Variants in VSIG10L2 observed in about 807,000 individuals in gnomAD.
VSIG10L2 encodes the protein V-set and immunoglobulin domain containing 10 like 2.
Under a neutral mutation model 67.1 loss-of-function variants are expected in VSIG10L2, and 56 were observed. The observed-to-expected ratio is 0.83, with a 90% confidence interval of 0.67 to 1.04. VSIG10L2 has a LOEUF of 1.04. Ranked by LOEUF, VSIG10L2 falls within the 50% of genes least tolerant of loss-of-function variation. VSIG10L2 has a pLI of 0.00. For synonymous variants in VSIG10L2, 360 were observed against 396.6 expected (o/e 0.91, Z 1.10); for missense variants, 843 against 932.8 (o/e 0.90, Z 1.25).
In VSIG10L2 at chr11:125,956,035, AATACC is replaced by A. The variant is rs1945466923; in HGVS notation, c.*122_*126del. 1.3e-4 allele frequency: 89 copies of A among 674,652 alleles called. 3 individuals are homozygous for A. Among genetic ancestry groups the A allele is most frequent in the South Asian group, 1.3e-3 (82 of 62,708 alleles). The allele number at this position is 674,652 out of a possible 1,614,324, so 41.8% of individuals were successfully genotyped here. On this transcript the variant is annotated 3_prime_UTR_variant, in exon 12 of 12. Coordinates refer to ENST00000686984, the MANE Select transcript of VSIG10L2 (RefSeq NM_001365077.2). ...AAGACACCAACTACCACTTTCACTT[AATACC>A]CAGTCTTCACAACTGGTACAAGGCC...
rs1043022779 is a variant in VSIG10L2, at chr11:125,956,110, G to C, written c.*196G>C. The C allele has an allele frequency of 2.9e-6, 2 of 680,516 alleles. No individual in the cohort carries two copies. The highest frequency in any genetic ancestry group is 3.5e-5 in the African/African-American group (2 of 56,718). 42.2% of individuals were successfully genotyped at this position (680,516 alleles called of 1,614,324 possible). On this transcript the variant is annotated 3_prime_UTR_variant, in exon 12 of 12. Transcript: ENST00000686984. Reference sequence around the variant, plus strand: ...TGACATGGTTACAAGAGAAGCCCTGGCCCACCTTGTGGAAGACAGAGGTGG... The same window carrying C: ...TGACATGGTTACAAGAGAAGCCCTGCCCCACCTTGTGGAAGACAGAGGTGG...
At chr11:125,947,279 C>T (rs541570270) in intron 1 of VSIG10L2, 16 of 288,872 alleles carry the variant, frequency 5.5e-5, no homozygotes, top group East Asian at 1.8e-4. Flanking sequence ...ACCATCGTCA[C>T]GGGACTGATC....
Position 125,953,492 on chromosome 11 carries a change from C to T in VSIG10L2, c.1588C>T (p.Pro530Ser). 3 of 1,232,324 alleles carry T rather than the reference C, an allele frequency of 2.4e-6. No homozygotes were observed. In the South Asian group the frequency reaches 1.2e-4, roughly 51 times the overall value. The allele number at this position is 1,232,324 out of a possible 1,614,324, so 76.3% of individuals were successfully genotyped here. Residue 530 changes from proline (P) to serine (S), a missense_variant, in exon 7 of 12, where the codon CCT becomes TCT. Pro to Ser is a moderately conservative substitution (Grantham distance 74). Around this residue, in one of 2 missense-constraint regions of VSIG10L2, gnomAD observed 397 missense variants for 384.4 expected, o/e 1.03. Transcript: ENST00000686984. ...LECSLRGGTP[P>S]AQLLWLGPQQ... ...GTGCTCTCTCCGCGGGGGCACACCA[C>T]CTGCCCAGCTCCTCTGGCTGGGGCC...
intron 3 of VSIG10L2, among the ~76,000 whole-genome samples, chr11:125,949,422 G>A (rs147408431): frequency 1.3e-5 from 2 of 152,178 alleles, no homozygotes; most frequent in African/African-American, 4.8e-5. Context: ...TCACCGTGGC[G>A]GTTTGTGGAA....
At chr11:125,953,004 A>G (rs1945398676) in intron 6 of VSIG10L2, among the ~76,000 whole-genome samples, 1 of 152,108 alleles carries the variant, frequency 6.6e-6, no homozygotes, top group Non-Finnish European at 1.5e-5. Flanking sequence ...AGTCCATAAA[A>G]TCTGAGCACC....
At position 125,950,041 on chromosome 11, in the gene VSIG10L2, T is replaced by C. The variant is rs928311162; in HGVS notation, c.737T>C (p.Met246Thr). The C allele has an allele frequency of 7.3e-6, 9 of 1,232,336 alleles. No individual in the cohort carries two copies. Among genetic ancestry groups the C allele is most frequent in the Middle Eastern group, 3.1e-4 (1 of 3,210 alleles). The allele number at this position is 1,232,336 out of a possible 1,614,324, so 76.3% of individuals were successfully genotyped here. The change falls in exon 4 of 12, where the codon ATG becomes ACG. Residue 246 changes from methionine to threonine, a missense_variant. Met to Thr is a moderately conservative substitution (Grantham distance 81). Around this residue, in one of 2 missense-constraint regions of VSIG10L2, gnomAD observed 446 missense variants for 548.4 expected, o/e 0.81. Transcript: ENST00000686984. Reference protein sequence around the residue: ...IYGPDKPVITMEPLGLTEEGF... With the variant: ...IYGPDKPVITTEPLGLTEEGF... ...GGTCCTGACAAGCCTGTGATCACCA[T>C]GGAGCCGCTGGGACTCACTGAGGAG...
intron 7 of VSIG10L2, 33 bp downstream of exon 7, chr11:125,953,723 A>G: frequency 8.1e-7 from 1 of 1,231,848 alleles, no homozygotes; most frequent in Non-Finnish European, 1.0e-6. Context: ...GTGTGTGGTG[A>G]GGTGGGGGCT....
chr11:125,955,736 C>T, intron 11 of VSIG10L2, 69 bp downstream of exon 11: 3 of 1,287,248 alleles, frequency 2.3e-6, no homozygotes, highest in Non-Finnish European at 3.3e-6. Context: ...GAGGGTGATG[C>T]TTGGTCTCTC....
Position 125,953,445 on chromosome 11 carries a change from AG to A in VSIG10L2, c.1547del (p.Gly516GlufsTer80), listed in dbSNP as rs998926190. On this transcript the variant is annotated frameshift_variant, in exon 7 of 12. Coordinates refer to ENST00000686984, the MANE Select transcript of VSIG10L2 (RefSeq NM_001365077.2). LOFTEE classifies it high-confidence loss of function. Reference protein sequence around the residue: ...DVAEPRVSVLEGGEAWLECSL... With the variant: ...DVAEPRVSVLXGGEAWLECSL... ...GCTGAGCCCCGCGTGTCAGTGTTGG[AG>A]GGGGGAGAGGCCTGGCTGGAGTGCT... 23 of 1,232,066 alleles carry A rather than the reference AG, an allele frequency of 1.9e-5. No homozygotes were observed. The highest frequency in any genetic ancestry group is 2.1e-5 in the Non-Finnish European group (21 of 988,096). 76.3% of individuals were successfully genotyped at this position (1,232,066 alleles called of 1,614,324 possible).
intron 8 of VSIG10L2, 78 bp from the exon 9 acceptor site, chr11:125,954,979 T>C: frequency 1.6e-6 from 2 of 1,220,940 alleles, no homozygotes; most frequent in East Asian, 3.2e-5. Flanking sequence ...TCCAGAACCC[T>C]AGTGGTTCCC....
At chr11:125,955,774 C>G in intron 11 of VSIG10L2, 43 bp from the exon 12 acceptor site, 1 of 945,198 alleles carries the variant, frequency 1.1e-6, no homozygotes, top group South Asian at 1.4e-5. Flanking sequence ...TTGGACACTC[C>G]CAAAGCATCC....
Position 125,946,833 on chromosome 11 carries a change from C to T in VSIG10L2, c.82+696C>T, listed in dbSNP as rs1014259310. Among the ~76,000 whole-genome samples the T allele has an allele frequency of 2.6e-5, 4 of 152,324 alleles. No individual in the cohort carries two copies. The highest frequency in any genetic ancestry group is 1.9e-4 in the East Asian group (1 of 5,182). On this transcript the variant is annotated intron_variant, in intron 1 of 11. Coordinates refer to ENST00000686984, the MANE Select transcript of VSIG10L2 (RefSeq NM_001365077.2). This position sits in a 1 kb window ranked among gnomAD's most constrained non-coding sequence, Gnocchi z 4.4. The stretch of plus-strand genomic sequence containing the variant: ...GATTACAGGCCTGAGCCACTGAGCC[C>T]GGCCCCAGAGACTTACTTTCATGCA...
At position 125,948,599 on chromosome 11, in the gene VSIG10L2, G is replaced by T; in HGVS notation, c.709+19G>T. On this transcript the variant is annotated intron_variant, in intron 3 of 11. Transcript: ENST00000686984. ...GTCATTTGTGAGTCAGACTGTGGTGGGGGGGCTGTCAGGGCTGACACCCAT... is the reference window on the plus strand; with the variant it reads ...GTCATTTGTGAGTCAGACTGTGGTGTGGGGGCTGTCAGGGCTGACACCCAT... 4 of 1,232,062 alleles carry T rather than the reference G, an allele frequency of 3.2e-6. No homozygotes were observed. Among genetic ancestry groups the T allele is most frequent in the South Asian group, 4.1e-5 (1 of 24,282 alleles). 76.3% of individuals were successfully genotyped at this position (1,232,062 alleles called of 1,614,324 possible).
Position 125,950,175 on chromosome 11 carries a change from C to A in VSIG10L2, c.871C>A (p.Pro291Thr), listed in dbSNP as rs377564058. 4 of 1,232,238 alleles carry A rather than the reference C, an allele frequency of 3.2e-6. No individual in the cohort carries two copies. Among genetic ancestry groups the A allele is most frequent in the Admixed American group, 4.2e-5 (1 of 23,706 alleles). 76.3% of individuals were successfully genotyped at this position (1,232,238 alleles called of 1,614,324 possible). The change falls in exon 4 of 12, where the codon CCT (proline) becomes ACT (threonine). Residue 291 changes from proline (P) to threonine (T), a missense_variant. Physicochemically the swap from Pro to Thr is conservative, Grantham distance 38. Coordinates refer to ENST00000686984, the MANE Select transcript of VSIG10L2 (RefSeq NM_001365077.2). The stretch of plus-strand genomic sequence containing the variant: ...TGACCACACGCAAGTCCACACGGGG[C>A]CTACCTATGTCATCGCCAGAGCTGG... ...LRDHTQVHTGPTYVIARAGRV... is the reference protein window; with the variant it reads ...LRDHTQVHTGTTYVIARAGRV...
In VSIG10L2 at chr11:125,953,599, T is replaced by G. The variant is rs1945407939; in HGVS notation, c.1695T>G (p.Asp565Glu). Reference protein sequence around the residue: ...EGAQLRLGIYDADPAHHRGTY... With the variant: ...EGAQLRLGIYEADPAHHRGTY... ...CCCAGCTGCGCCTGGGCATCTACGA[T>G]GCTGACCCGGCACACCACAGGGGCA... The change falls in exon 7 of 12, where the codon GAT becomes GAG. Residue 565 changes from aspartate to glutamate, a missense_variant. Physicochemically the swap from Asp to Glu is conservative, Grantham distance 45. Around this residue, in one of 2 missense-constraint regions of VSIG10L2, gnomAD observed 397 missense variants for 384.4 expected, o/e 1.03. Transcript: ENST00000686984. 8.1e-7 allele frequency: 1 copy of G among 1,232,188 alleles called. No homozygotes were observed. Among genetic ancestry groups the G allele is most frequent in the Non-Finnish European group, 1.0e-6 (1 of 987,994 alleles). The allele number at this position is 1,232,188 out of a possible 1,614,324, so 76.3% of individuals were successfully genotyped here.
In VSIG10L2 at chr11:125,954,115, C is replaced by T. The variant is rs1025577784; in HGVS notation, c.1815C>T (p.Ile605=). Residue 605 remains isoleucine (I), a synonymous_variant, in exon 8 of 12, where the codon ATC becomes ATT. Coordinates refer to ENST00000686984, the MANE Select transcript of VSIG10L2 (RefSeq NM_001365077.2). The part of the protein sequence containing the change: ...LRYPAPPNVT[I]SRLTYGRHRR... ...ATCCAGCTCCTCCCAATGTCACCAT[C>T]AGCCGCCTGACCTACGGGAGGCACC... 5 of 1,232,148 alleles carry T rather than the reference C, an allele frequency of 4.1e-6. No individual in the cohort carries two copies. In the Admixed American group the frequency reaches 2.1e-4, roughly 52 times the overall value. The allele number at this position is 1,232,148 out of a possible 1,614,324, so 76.3% of individuals were successfully genotyped here. A position where few individuals can be genotyped will look rare whatever the true frequency, so the allele number is the denominator to read the frequency against.
Position 125,956,133 on chromosome 11 carries a change from T to C in VSIG10L2, c.*219T>C, listed in dbSNP as rs1945469745. ...TGGCCCACCTTGTGGAAGACAGAGG[T>C]GGCAGGACAAGGAAGAGGACCCACA... is the stretch of plus-strand genomic sequence containing the variant. On this transcript the variant is annotated 3_prime_UTR_variant, in exon 12 of 12. Coordinates refer to ENST00000686984, the MANE Select transcript of VSIG10L2 (RefSeq NM_001365077.2). 3.0e-6 allele frequency: 2 copies of C among 666,434 alleles called. No homozygotes were observed. The highest frequency in any genetic ancestry group is 2.8e-6 in the Non-Finnish European group (1 of 363,394). 41.3% of individuals were successfully genotyped at this position (666,434 alleles called of 1,614,324 possible).
intron 1 of VSIG10L2, 98 bp from the exon 2 acceptor site, chr11:125,947,588 G>C (rs1945314324): frequency 8.1e-7 from 1 of 1,231,200 alleles, no homozygotes. Context: ...TGGGCCGCTT[G>C]GGACTGCAGA....
Position 125,947,833 on chromosome 11 carries a change from C to G in VSIG10L2, c.230C>G (p.Pro77Arg), listed in dbSNP as rs1945317714. 1 of 1,232,290 alleles carries G rather than the reference C, an allele frequency of 8.1e-7. No individual in the cohort carries two copies. Among genetic ancestry groups the G allele is most frequent in the Non-Finnish European group, 1.0e-6 (1 of 988,168 alleles). 76.3% of individuals were successfully genotyped at this position (1,232,290 alleles called of 1,614,324 possible). A position where few individuals can be genotyped will look rare whatever the true frequency, so the allele number is the denominator to read the frequency against. ...TTCACCCCCCTGGGCTCCCTGGTTCCCCGGCCTGTGGCCGTCACCGATGGA... is the reference window on the plus strand; with the variant it reads ...TTCACCCCCCTGGGCTCCCTGGTTCGCCGGCCTGTGGCCGTCACCGATGGA... ...WSFTPLGSLVPRPVAVTDGAM... is the reference protein window; with the variant it reads ...WSFTPLGSLVRRPVAVTDGAM... Residue 77 changes from proline to arginine, a missense_variant, in exon 2 of 12, where the codon CCC becomes CGC. Physicochemically the swap from Pro to Arg is moderately radical, Grantham distance 103. This residue lies in a region of VSIG10L2 where 446 missense variants were observed against 548.4 expected (regional missense o/e 0.81). Transcript: ENST00000686984.
Sources: allele counts gnomAD v4.1 joint callset (sites outside exome capture counted in the v4.1 genomes callset), GRCh38; gene constraint gnomAD v4.1.1; regional missense constraint gnomAD v4.1.1; non-coding constraint Gnocchi (gnomAD v3.1); transcripts MANE v1.5; gene names NCBI Gene and HGNC (gene_info 2026-07-23, HGNC 2026-07-21).